The following MRTFB variants were observed in gnomAD, a reference collection of about 807,000 sequenced individuals.
MRTFB encodes myocardin related transcription factor B, also known as myocardin-related transcription factor B.
MRTFB carries 29 observed loss-of-function variants against 104.2 expected under a neutral mutation model. The ratio of observed to expected loss-of-function variants is 0.28; its 90% CI spans 0.21 to 0.38. The LOEUF is 0.38. Among genes scored for constraint, MRTFB ranks in the 10% least tolerant of loss-of-function variants. The pLI is 1.00. For missense variants in MRTFB, 1,270 were observed against 1,341.6 expected (o/e 0.95, Z 0.83); for synonymous variants, 535 against 519.5 (o/e 1.03, Z -0.41).
the MRTFB span, among the ~76,000 whole-genome samples, chr16:14,008,865 T>C: frequency 6.6e-6 from 1 of 152,114 alleles, no homozygotes; most frequent in Non-Finnish European, 1.5e-5. Context: ...CAATGTTATA[T>C]AGTTTTGCAA....
intron 3 of MRTFB, chr16:14,201,103 TATTTATAAA>T: frequency 1.4e-6 from 2 of 1,381,232 alleles, no homozygotes; most frequent in Non-Finnish European, 1.9e-6. Context: ...TTAAAAACTT[TATTTATAAA>T]AAGGAAAAAT....
intron 2 of MRTFB, among the ~76,000 whole-genome samples, chr16:14,105,806 G>T (rs1196540754): frequency 6.6e-6 from 1 of 152,126 alleles, no homozygotes; most frequent in Non-Finnish European, 1.5e-5. Flanking sequence ...TAAAGTTAAG[G>T]TGTTCTTAAA....
chr16:14,047,557 A>T, the MRTFB span, among the ~76,000 whole-genome samples: 1 of 152,218 alleles, frequency 6.6e-6, no homozygotes, highest in Non-Finnish European at 1.5e-5. Context: ...TAGAGGTTTA[A>T]TGGACTCACA....
At chr16:14,090,499 T>G (rs2034989552) in intron 2 of MRTFB, among the ~76,000 whole-genome samples, 1 of 152,100 alleles carries the variant, frequency 6.6e-6, no homozygotes, top group African/African-American at 2.4e-5. Flanking sequence ...CAGAGGTGAG[T>G]GGGATGTGGC....
At chr16:14,196,326 C>T (rs530427927) in intron 3 of MRTFB, among the ~76,000 whole-genome samples, 23 of 152,280 alleles carry the variant, frequency 1.5e-4, no homozygotes, top group Middle Eastern at 3.4e-3. Flanking sequence ...GGAATAATGG[C>T]GGTCCTGTTA....
At chr16:14,209,810 C>T (rs1413534047) in intron 3 of MRTFB, among the ~76,000 whole-genome samples, 1 of 152,132 alleles carries the variant, frequency 6.6e-6, no homozygotes, top group African/African-American at 2.4e-5. Flanking sequence ...AGCAGCCTTC[C>T]TTAAAGCCAC....
At chr16:14,176,672 G>A (rs1325695218) in intron 3 of MRTFB, among the ~76,000 whole-genome samples, 1 of 152,202 alleles carries the variant, frequency 6.6e-6, no homozygotes, top group African/African-American at 2.4e-5. Flanking sequence ...AAGCTGTGTA[G>A]CTGGACAAGT....
At chr16:14,127,598 A>G (rs866049965) in intron 2 of MRTFB, among the ~76,000 whole-genome samples, 4 of 150,302 alleles carry the variant, frequency 2.7e-5, no homozygotes, top group East Asian at 3.9e-4. Flanking sequence ...AGCCGAGATC[A>G]TGCCACTGCA....
chr16:14,247,576 C>T (rs72785433), intron 12 of MRTFB, 69 bp downstream of exon 12: 273,763 of 1,398,832 alleles, frequency 0.2, 30,006 homozygotes, highest in Non-Finnish European at 0.23. Context: ...CTAAGGAAGG[C>T]ACCATACCTG....
At chr16:14,148,945 A>G (rs2038468885) in intron 3 of MRTFB, among the ~76,000 whole-genome samples, 1 of 152,216 alleles carries the variant, frequency 6.6e-6, no homozygotes, top group African/African-American at 2.4e-5. Flanking sequence ...TTCCTTAGAT[A>G]CAAATTAGTC....
intron 9 of MRTFB, among the ~76,000 whole-genome samples, 156 bp from the exon 10 acceptor site, chr16:14,240,081 G>A (rs576377004): frequency 6.6e-6 from 1 of 152,286 alleles, no homozygotes; most frequent in Non-Finnish European, 1.5e-5. Context: ...ACGTTTTCAT[G>A]GCTTTTGAAA....
At chr16:14,122,184 T>C (rs2036878640) in intron 2 of MRTFB, among the ~76,000 whole-genome samples, 1 of 152,146 alleles carries the variant, frequency 6.6e-6, no homozygotes, top group Non-Finnish European at 1.5e-5. Context: ...CAGTTAACTT[T>C]TTCTATTTAA....
chr16:14,114,589 C>T (rs907807609), intron 2 of MRTFB, among the ~76,000 whole-genome samples: 3 of 152,264 alleles, frequency 2.0e-5, no homozygotes, highest in Middle Eastern at 3.4e-3. Flanking sequence ...CTGAGTTTTG[C>T]CTCCCACCCT....
At position 14,192,513 on chromosome 16, in the gene MRTFB, T is replaced by A. The variant is rs150766992; in HGVS notation, c.155-17730T>A. 4.5e-4 allele frequency among the ~76,000 whole-genome samples: 68 copies of A among 152,340 alleles called. No individual in the cohort carries two copies. In the East Asian group the frequency reaches 0.013, roughly 28 times the overall value. ...TTGAGATGAAGTTATATAATTTTTT[T>A]ATTAGAAATAATTTTATTTAGCAGA... On this transcript the variant is annotated intron_variant, in intron 3 of 16. Coordinates refer to ENST00000571589, the MANE Select transcript of MRTFB (RefSeq NM_001308142.2).
chr16:14,110,015 T>C (rs940568710), intron 2 of MRTFB, among the ~76,000 whole-genome samples: 4 of 152,224 alleles, frequency 2.6e-5, no homozygotes, highest in African/African-American at 9.6e-5. Context: ...CAATATGGTT[T>C]GCCCTTTAAT....
chr16:14,117,264 A>G (rs2036589855), intron 2 of MRTFB, among the ~76,000 whole-genome samples: 1 of 152,216 alleles, frequency 6.6e-6, no homozygotes, highest in South Asian at 2.1e-4. Context: ...CACAGATAGG[A>G]ATCACAAGCA....
intron 2 of MRTFB, among the ~76,000 whole-genome samples, chr16:14,107,462 G>T (rs902531333): frequency 6.6e-6 from 1 of 152,130 alleles, no homozygotes; most frequent in African/African-American, 2.4e-5. Flanking sequence ...GCACGAAGGG[G>T]TTTATCATAT....
At chr16:14,046,776 C>T in the MRTFB span, among the ~76,000 whole-genome samples, 1 of 152,208 alleles carries the variant, frequency 6.6e-6, no homozygotes, top group Non-Finnish European at 1.5e-5. Context: ...AACACGGCTG[C>T]AGAAGCACAC....
upstream of MRTFB, among the ~76,000 whole-genome samples, chr16:14,069,872 C>A (rs934357541): frequency 1.3e-5 from 2 of 152,218 alleles, no homozygotes; most frequent in Non-Finnish European, 2.9e-5. Context: ...AAATAGACAG[C>A]ACCTGGAGCA....
Sources: allele counts gnomAD v4.1 joint callset (sites outside exome capture counted in the v4.1 genomes callset), GRCh38; gene constraint gnomAD v4.1.1; transcripts MANE v1.5; gene names NCBI Gene and HGNC (gene_info 2026-07-23, HGNC 2026-07-21).